Variants in PTPRO observed in about 807,000 individuals in gnomAD.
PTPRO encodes the protein receptor-type tyrosine-protein phosphatase O.
Under a neutral mutation model 145.2 loss-of-function variants are expected in PTPRO, and 62 were observed. The ratio of observed to expected loss-of-function variants is 0.43; its 90% CI spans 0.35 to 0.53. The LOEUF (loss-of-function observed/expected upper bound fraction) is 0.53. PTPRO is among the 20% of genes least tolerant of loss of function. The probability of loss-of-function intolerance (pLI) is 0.01; values close to 1 mark genes in which losing one functional copy is unlikely to be tolerated. For synonymous variants in PTPRO, 565 were observed against 514.7 expected (o/e 1.10, Z -1.32); for missense variants, 1,345 against 1,482.7 (o/e 0.91, Z 1.53).
intron 1 of PTPRO, among the ~76,000 whole-genome samples, chr12:15,359,291 C>A (rs1938097656): frequency 6.6e-6 from 1 of 152,014 alleles, no homozygotes; most frequent in Non-Finnish European, 1.5e-5. Flanking sequence ...GATGATATCC[C>A]CATTTATTCA....
Position 15,479,567 on chromosome 12 carries a change from G to A in PTPRO, c.76-4407G>A, listed in dbSNP as rs1941734350. On this transcript the variant is annotated intron_variant, in intron 1 of 26. Coordinates refer to ENST00000281171, the MANE Select transcript of PTPRO (RefSeq NM_030667.3). ...GAAGGGAGGGGAGAGGAGGTTGTAG[G>A]TGGGGCAAAGCCCATCTCATCTCTT... is the stretch of plus-strand genomic sequence containing the variant. 1.3e-5 allele frequency among the ~76,000 whole-genome samples: 2 copies of A among 152,190 alleles called. 1 individual carries two copies. Among genetic ancestry groups the A allele is most frequent in the South Asian group, 4.1e-4 (2 of 4,832 alleles).
At chr12:15,562,456 A>C (rs1004930937) in intron 17 of PTPRO, among the ~76,000 whole-genome samples, 10 of 152,188 alleles carry the variant, frequency 6.6e-5, no homozygotes, top group East Asian at 5.8e-4. Context: ...TTCCTTTCTA[A>C]ACTGTCGGTT....
intron 12 of PTPRO, among the ~76,000 whole-genome samples, chr12:15,535,792 C>T (rs1565691405): frequency 6.6e-6 from 1 of 152,186 alleles, no homozygotes; most frequent in African/African-American, 2.4e-5. Flanking sequence ...TTCCGTTCCT[C>T]TTTGGAATTT....
intron 1 of PTPRO, among the ~76,000 whole-genome samples, chr12:15,412,071 A>G (rs1939816117): frequency 6.6e-6 from 1 of 152,216 alleles, no homozygotes; most frequent in Non-Finnish European, 1.5e-5. Flanking sequence ...ACCCTGTGTC[A>G]GCGAAATTAC....
intron 1 of PTPRO, among the ~76,000 whole-genome samples, chr12:15,471,092 G>T (rs189986091): frequency 6.6e-6 from 1 of 152,252 alleles, no homozygotes; most frequent in East Asian, 1.9e-4. Flanking sequence ...ACAGGCAAAA[G>T]AGATGAGTTT....
At position 15,361,984 on chromosome 12, in the gene PTPRO, C is replaced by A. The variant is rs190814131; in HGVS notation, c.75+39183C>A. 1.4e-4 allele frequency among the ~76,000 whole-genome samples: 22 copies of A among 152,286 alleles called. No individual in the cohort carries two copies. In the East Asian group the frequency reaches 2.7e-3, roughly 19 times the overall value. On this transcript the variant is annotated intron_variant, in intron 1 of 26. Coordinates refer to ENST00000281171, the MANE Select transcript of PTPRO (RefSeq NM_030667.3). Reference sequence around the variant, plus strand: ...CAGTAATACTAACTGTAGACAGACACTGTACATGAACTACAGTGTCCAAAT... The same window carrying A: ...CAGTAATACTAACTGTAGACAGACAATGTACATGAACTACAGTGTCCAAAT...
rs964455793 is a variant in PTPRO, at chr12:15,597,207, G to C, written c.*1134G>C. 3.3e-5 allele frequency: 5 copies of C among 152,030 alleles called. No individual in the cohort carries two copies. The highest frequency in any genetic ancestry group is 1.9e-4 in the East Asian group (1 of 5,196). The allele number at this position is 152,030 out of a possible 1,614,324, so 9.4% of individuals were successfully genotyped here. ...TGTAACTAGTAACATTTTATTCTTT[G>C]GATTTTGTATAATTACAGTACATGA... On this transcript the variant is annotated 3_prime_UTR_variant, in exon 27 of 27. Transcript: ENST00000281171.
At chr12:15,415,186 T>A (rs1268607267) in intron 1 of PTPRO, among the ~76,000 whole-genome samples, 3 of 151,982 alleles carry the variant, frequency 2.0e-5, no homozygotes, top group African/African-American at 7.3e-5. Flanking sequence ...AATCCATAAA[T>A]AACCTAAATT....
At chr12:15,512,422 A>G (rs1942461431) in intron 7 of PTPRO, among the ~76,000 whole-genome samples, 1 of 152,098 alleles carries the variant, frequency 6.6e-6, no homozygotes, top group African/African-American at 2.4e-5. Context: ...GCCTGGAGCA[A>G]TGTTGATAAT....
At chr12:15,392,642 A>G (rs998671911) in intron 1 of PTPRO, among the ~76,000 whole-genome samples, 1 of 144,646 alleles carries the variant, frequency 6.9e-6, no homozygotes, top group East Asian at 2.1e-4. Context: ...AATTGCTTGA[A>G]CCTCGGAGGC....
chr12:15,502,019 C>G lies in PTPRO; in HGVS notation c.1061C>G (p.Pro354Arg), dbSNP rs1344047461. 2 of 1,613,804 alleles carry G rather than the reference C, an allele frequency of 1.2e-6. No homozygotes were observed. The highest frequency in any genetic ancestry group is 2.7e-5 in the African/African-American group (2 of 74,894). The change falls in exon 5 of 27, where the codon CCA becomes CGA. Residue 354 changes from proline (P) to arginine (R), a missense_variant. By Grantham distance (103) the Pro-to-Arg change is moderately radical (BLOSUM62 -2). Around this residue, in one of 3 missense-constraint regions of PTPRO, gnomAD observed 1,130 missense variants for 1,214.7 expected, o/e 0.93. Transcript: ENST00000281171. ...ATATTGACCTGGTTACCACCCAAACCACCCACTGCTTTTGATGGGTTCCAT... is the reference window on the plus strand; with the variant it reads ...ATATTGACCTGGTTACCACCCAAACGACCCACTGCTTTTGATGGGTTCCAT... ...QMILTWLPPK[P>R]PTAFDGFHIH...
chr12:15,524,756 G>T (rs76701160), intron 10 of PTPRO, 58 bp from the exon 11 acceptor site: 5 of 1,537,098 alleles, frequency 3.3e-6, no homozygotes, highest in Middle Eastern at 3.4e-4. Flanking sequence ...TGCTCTGCTG[G>T]TAAGTACTTT....
At chr12:15,458,957 T>G (rs1280698452) in intron 1 of PTPRO, among the ~76,000 whole-genome samples, 1 of 152,132 alleles carries the variant, frequency 6.6e-6, no homozygotes, top group Non-Finnish European at 1.5e-5. Flanking sequence ...CCAGCCTTCA[T>G]GGACTGGCCT....
chr12:15,341,914 G>A (rs537185254), intron 1 of PTPRO, among the ~76,000 whole-genome samples: 2 of 152,110 alleles, frequency 1.3e-5, no homozygotes, highest in Non-Finnish European at 2.9e-5. Flanking sequence ...CCTCTACCTC[G>A]CAGGATTACT....
At chr12:15,527,438 G>C (rs567738614) in intron 12 of PTPRO, among the ~76,000 whole-genome samples, 1 of 152,210 alleles carries the variant, frequency 6.6e-6, no homozygotes, top group Non-Finnish European at 1.5e-5. Flanking sequence ...CCTGAAGGGA[G>C]AAATAGCTTG....
chr12:15,536,146 C>T (rs1943061391), intron 12 of PTPRO, among the ~76,000 whole-genome samples: 1 of 151,862 alleles, frequency 6.6e-6, no homozygotes, highest in Non-Finnish European at 1.5e-5. Flanking sequence ...CAGAAATGAA[C>T]AAAACTGACA....
At chr12:15,577,943 C>A (rs2300288) in intron 19 of PTPRO, among the ~76,000 whole-genome samples, 40,269 of 152,050 alleles carry the variant, frequency 0.26, 6,030 homozygotes, top group African/African-American at 0.4. Context: ...ATAACATACC[C>A]TTTTTGAAGT....
intron 2 of PTPRO, among the ~76,000 whole-genome samples, chr12:15,490,132 T>G (rs1414349484): frequency 6.6e-6 from 1 of 152,226 alleles, no homozygotes. Flanking sequence ...AGCTCTCTCT[T>G]GTAGCAAAGC....
chr12:15,397,990 A>T (rs1306806357), intron 1 of PTPRO, among the ~76,000 whole-genome samples: 1 of 152,152 alleles, frequency 6.6e-6, no homozygotes, highest in Admixed American at 6.6e-5. Context: ...GAGTCAAAGG[A>T]ATAAACCCCA....
Sources: allele counts gnomAD v4.1 joint callset (sites outside exome capture counted in the v4.1 genomes callset), GRCh38; gene constraint gnomAD v4.1.1; regional missense constraint gnomAD v4.1.1; transcripts MANE v1.5; gene names NCBI Gene and HGNC (gene_info 2026-07-23, HGNC 2026-07-21).